ARMC6: variants seen among roughly 807,000 people sequenced by gnomAD.
ARMC6 encodes armadillo repeat containing 6, also known as armadillo repeat-containing protein 6.
In ARMC6, 43 loss-of-function variants were observed where a neutral mutation model predicts 49.2. The ratio of observed to expected loss-of-function variants is 0.87; its 90% CI spans 0.69 to 1.13. ARMC6 has a LOEUF of 1.13. Ranked by LOEUF, ARMC6 falls within the 50% of genes most tolerant of loss-of-function variation. The probability of loss-of-function intolerance (pLI) is 0.00; values close to 1 mark genes in which losing one functional copy is unlikely to be tolerated. For missense variants in ARMC6, 627 were observed against 682.0 expected, an observed-to-expected ratio of 0.92 and a Z score of 0.90; for synonymous variants, 262 against 289.6, an observed-to-expected ratio of 0.90 and a Z score of 0.97.
At position 19,033,639 on chromosome 19, in the gene ARMC6, T is replaced by C. The variant is rs1337823698; in HGVS notation, c.-371T>C. 9.1e-5 allele frequency: 97 copies of C among 1,066,348 alleles called. No homozygotes were observed. The East Asian group carries it at 3.9e-3, about 42-fold the overall frequency. The allele number at this position is 1,066,348 out of a possible 1,614,324, so 66.1% of individuals were successfully genotyped here. On this transcript the variant is annotated 5_prime_UTR_variant, in exon 1 of 9. Coordinates refer to ENST00000535612, the MANE Select transcript of ARMC6 (RefSeq NM_001199196.2). ...CTCTTGCGCAAGCGCGCTGTCCGCT[T>C]CTTCTGGGCGGACGCTCTGGAGGCA...
At position 19,033,635 on chromosome 19, in the gene ARMC6, C is replaced by T; in HGVS notation, c.-375C>T. The T allele has an allele frequency of 2.7e-6, 3 of 1,122,860 alleles. No homozygotes were observed. The highest frequency in any genetic ancestry group is 4.5e-5 in the South Asian group (1 of 22,320). 69.6% of individuals were successfully genotyped at this position (1,122,860 alleles called of 1,614,324 possible). ...GGCTCTCTTGCGCAAGCGCGCTGTC[C>T]GCTTCTTCTGGGCGGACGCTCTGGA... On this transcript the variant is annotated 5_prime_UTR_variant, in exon 1 of 9. Coordinates refer to ENST00000535612, the MANE Select transcript of ARMC6 (RefSeq NM_001199196.2).
chr19:19,038,902 C>CACAT (rs2059391124), intron 2 of ARMC6, among the ~76,000 whole-genome samples: 1 of 145,970 alleles, frequency 6.9e-6, no homozygotes, highest in South Asian at 2.2e-4. Flanking sequence ...TGTGTATACA[C>CACAT]ACACACACAC....
At chr19:19,040,841 TTTTTTTTAATGCTCAC>T in intron 2 of ARMC6, 2 of 379,050 alleles carry the variant, frequency 5.3e-6, no homozygotes, top group Admixed American at 6.4e-5. Context: ...TGTACTGGAT[TTTTTTTTAATGCTCAC>T]TTGTCTCATC....
chr19:19,051,375 CTGTGTG>C (rs35164662), intron 4 of ARMC6, among the ~76,000 whole-genome samples: 4,456 of 139,684 alleles, frequency 0.032, 83 homozygotes, highest in African/African-American at 0.055. Flanking sequence ...CTCTCTCTCT[CTGTGTG>C]TGTGTGTGTG....
chr19:19,040,434 T>A (rs79310664), intron 2 of ARMC6, among the ~76,000 whole-genome samples: 1,858 of 152,156 alleles, frequency 0.012, 44 homozygotes, highest in African/African-American at 0.042. Context: ...AGGTTTTTTT[T>A]AAAAAAATTG....
intron 2 of ARMC6, among the ~76,000 whole-genome samples, chr19:19,042,509 G>A (rs926806618): frequency 2.6e-5 from 4 of 152,102 alleles, no homozygotes; most frequent in African/African-American, 9.7e-5. Context: ...CATCACACCC[G>A]GCCTCTTCTG....
chr19:19,042,413 A>G (rs545003089), intron 2 of ARMC6, among the ~76,000 whole-genome samples: 1 of 151,178 alleles, frequency 6.6e-6, no homozygotes, highest in Non-Finnish European at 1.5e-5. Flanking sequence ...TAGTAGTGTG[A>G]TCATGGCTCA....
intron 2 of ARMC6, chr19:19,037,790 T>A: frequency 4.1e-6 from 3 of 723,342 alleles, no homozygotes; most frequent in South Asian, 2.2e-5. Flanking sequence ...CTCCTTTTGT[T>A]CCAAAGGGAC....
chr19:19,048,345 T>C (rs2059468296), intron 4 of ARMC6, among the ~76,000 whole-genome samples: 1 of 150,074 alleles, frequency 6.7e-6, no homozygotes, highest in African/African-American at 2.5e-5. Flanking sequence ...AAATTGCATC[T>C]CAAAAAAACA....
intron 3 of ARMC6, 134 bp from the exon 4 acceptor site, chr19:19,043,858 G>A: frequency 5.5e-6 from 4 of 729,464 alleles, no homozygotes; most frequent in East Asian, 2.6e-5. Flanking sequence ...GGCGGGAATA[G>A]GGAGGTGGGA....
rs922175872 is a variant in ARMC6, at chr19:19,054,379, G to T, written c.1023+58G>T. ...CCTTCTGGGTCCCAGTCAACCGGAC[G>T]AGCTATAGTCAGAACAAGCCAGCCC... On this transcript the variant is annotated intron_variant, in intron 6 of 8. Coordinates refer to ENST00000535612, the MANE Select transcript of ARMC6 (RefSeq NM_001199196.2). The T allele has an allele frequency of 4.9e-6, 7 of 1,441,854 alleles. No homozygotes were observed. In the Admixed American group the frequency reaches 7.5e-5, roughly 16 times the overall value. 89.3% of individuals were successfully genotyped at this position (1,441,854 alleles called of 1,614,324 possible).
rs566593789 is a variant in ARMC6, at chr19:19,048,846, C to G, written c.280-2776C>G. On this transcript the variant is annotated intron_variant, in intron 4 of 8. Transcript: ENST00000535612. ...ATTTTAGGGTAAAATACTTTGATTTCTTTCCATACTGTATTAGTTAGGCTG... is the reference window on the plus strand; with the variant it reads ...ATTTTAGGGTAAAATACTTTGATTTGTTTCCATACTGTATTAGTTAGGCTG... Among the ~76,000 whole-genome samples the G allele has an allele frequency of 2.0e-5, 3 of 152,186 alleles. No homozygotes were observed. The South Asian group carries it at 6.2e-4, about 31-fold the overall frequency.
chr19:19,045,405 A>G (rs981193850), intron 4 of ARMC6, among the ~76,000 whole-genome samples: 6 of 151,978 alleles, frequency 3.9e-5, no homozygotes, highest in Non-Finnish European at 5.9e-5. Flanking sequence ...TGAAGTTTAT[A>G]TAGGAAGGAT....
Position 19,058,105 on chromosome 19 carries a change from C to T in ARMC6, c.*477C>T. On this transcript the variant is annotated 3_prime_UTR_variant, in exon 9 of 9. Transcript: ENST00000535612. ...TCTCAGATGCTCCGCCCTGCTTGGC[C>T]CCAGCTTGTCTGTCTCTGGGTCCTG... 1.4e-5 allele frequency: 3 copies of T among 215,762 alleles called. No individual in the cohort carries two copies. The South Asian group carries it at 2.0e-4, about 14-fold the overall frequency. The allele number at this position is 215,762 out of a possible 1,614,324, so 13.4% of individuals were successfully genotyped here.
Position 19,034,147 on chromosome 19 carries a change from G to T in ARMC6, c.-63G>T. ...TTCATTCAGCACCTGTGCACTGAGT[G>T]CCTGCTGCGTGTCGGGCCCCGTCCT... On this transcript the variant is annotated 5_prime_UTR_variant, in exon 2 of 9. Coordinates refer to ENST00000535612, the MANE Select transcript of ARMC6 (RefSeq NM_001199196.2). 1 of 1,138,648 alleles carries T rather than the reference G, an allele frequency of 8.8e-7. No homozygotes were observed. The highest frequency in any genetic ancestry group is 1.3e-6 in the Non-Finnish European group (1 of 769,236). The allele number at this position is 1,138,648 out of a possible 1,614,324, so 70.5% of individuals were successfully genotyped here.
chr19:19,033,776 G>C lies in ARMC6; in HGVS notation c.-234G>C, dbSNP rs2059294999. On this transcript the variant is annotated 5_prime_UTR_variant, in exon 1 of 9. Coordinates refer to ENST00000535612, the MANE Select transcript of ARMC6 (RefSeq NM_001199196.2). ...GTTGGCTTTACCTTGGTTCGCGGTC[G>C]TCCTTGGTTATCGTGAGCGTCCGCG... 4.0e-6 allele frequency: 1 copy of C among 248,964 alleles called. No individual in the cohort carries two copies. 15.4% of individuals were successfully genotyped at this position (248,964 alleles called of 1,614,324 possible). A position where few individuals can be genotyped will look rare whatever the true frequency, so the allele number is the denominator to read the frequency against.
chr19:19,054,381 G>A, intron 6 of ARMC6, 60 bp downstream of exon 6: 1 of 1,429,748 alleles, frequency 7.0e-7, no homozygotes, highest in Non-Finnish European at 9.2e-7. Flanking sequence ...AACCGGACGA[G>A]CTATAGTCAG....
chr19:19,054,027 T>C, intron 5 of ARMC6, 125 bp from the exon 6 acceptor site: 1 of 944,860 alleles, frequency 1.1e-6, no homozygotes, highest in Non-Finnish European at 1.5e-6. Context: ...GCCTTCCTGG[T>C]GCCCGTGGCC....
intron 3 of ARMC6, among the ~76,000 whole-genome samples, chr19:19,043,608 C>G (rs1658321031): frequency 1.3e-5 from 2 of 152,100 alleles, no homozygotes; most frequent in Admixed American, 6.5e-5. Context: ...GTGGGGGTGC[C>G]AGCAGGGGCA....
Sources: allele counts gnomAD v4.1 joint callset (sites outside exome capture counted in the v4.1 genomes callset), GRCh38; gene constraint gnomAD v4.1.1; transcripts MANE v1.5; gene names NCBI Gene and HGNC (gene_info 2026-07-23, HGNC 2026-07-21).